Variants in PRDM15 observed in about 807,000 individuals in gnomAD.
PRDM15 encodes the protein PR domain zinc finger protein 15.
Under a neutral mutation model 128.6 loss-of-function variants are expected in PRDM15, and 64 were observed. The ratio of observed to expected loss-of-function variants is 0.50; its 90% confidence interval spans 0.41 to 0.61. The LOEUF (loss-of-function observed/expected upper bound fraction) is 0.61, where lower values mean the gene tolerates loss of function less well. Ranked by LOEUF, PRDM15 falls within the 20% of genes least tolerant of loss-of-function variation. PRDM15 has a pLI of 0.00. For synonymous variants in PRDM15, 615 were observed against 621.8 expected, an observed-to-expected ratio of 0.99 and a Z score of 0.16; for missense variants, 1,242 against 1,569.1, an observed-to-expected ratio of 0.79 and a Z score of 3.52.
chr21:41,836,185 T>C lies in PRDM15; in HGVS notation c.1206A>G (p.Glu402=). 1 of 1,613,972 alleles carries C rather than the reference T, an allele frequency of 6.2e-7. No homozygotes were observed. Among genetic ancestry groups the C allele is most frequent in the Non-Finnish European group, 8.5e-7 (1 of 1,179,960 alleles). ...TGCGGCTGAACAATTTTGCACACTC[T>C]TCGCACTTAAACAGCTTGTCACCTG... The part of the protein sequence containing the change: ...RSHGDKLFKC[E]ECAKLFSRKE... Residue 402 remains glutamate, a synonymous_variant, in exon 10 of 24, where the codon GAA becomes GAG. Coordinates refer to ENST00000398548, the MANE Select transcript of PRDM15 (RefSeq NM_001040424.3).
rs555860126 is a variant in PRDM15 at position 41,863,530 on chromosome 21, A to T, written c.-9-3158T>A. On this transcript the variant is annotated intron_variant, in intron 1 of 23. Coordinates refer to ENST00000398548, the MANE Select transcript of PRDM15 (RefSeq NM_001040424.3). ...TAAGACCACAGTAATAATATCAGGA[A>T]ACCAAACTTATCAGAAATGTCAATT... Among the ~76,000 whole-genome samples, 15 of 152,284 alleles carry T rather than the reference A, an allele frequency of 9.9e-5. No individual in the cohort carries two copies. The South Asian group carries it at 3.1e-3, about 32-fold the overall frequency.
chr21:41,819,005 G>A (rs1244385474), intron 18 of PRDM15, among the ~76,000 whole-genome samples: 1 of 152,192 alleles, frequency 6.6e-6, no homozygotes, highest in East Asian at 1.9e-4. Context: ...GTCAGACCCC[G>A]TGGTGGCTTT....
intron 17 of PRDM15, 182 bp downstream of exon 17, chr21:41,819,913 G>A (rs2062191412): frequency 7.9e-6 from 6 of 763,470 alleles, no homozygotes; most frequent in Non-Finnish European, 1.3e-5. Flanking sequence ...TGAGGGGGCT[G>A]GGGGCGCTGG....
At chr21:41,813,166 C>T (rs2061922074) in intron 19 of PRDM15, 1 of 152,186 alleles carries the variant, frequency 6.6e-6, no homozygotes. Flanking sequence ...AAAATGGGAA[C>T]AAGACAAGTA....
intron 1 of PRDM15, chr21:41,878,820 C>A: frequency 1.8e-6 from 2 of 1,114,670 alleles, no homozygotes; most frequent in Non-Finnish European, 2.2e-6. Context: ...CGCCGCCCGG[C>A]GGCGGGGGCC....
chr21:41,812,017 A>G (rs1327197559), intron 19 of PRDM15: 7 of 152,244 alleles, frequency 4.6e-5, no homozygotes, highest in Non-Finnish European at 1.5e-5. Context: ...GTCCTGGCTC[A>G]TGGATTGGCC....
intron 1 of PRDM15, among the ~76,000 whole-genome samples, chr21:41,860,636 T>G (rs969335791): frequency 5.3e-5 from 8 of 152,198 alleles, no homozygotes; most frequent in African/African-American, 1.9e-4. Context: ...TTGGCCAGGC[T>G]GGTCTCGATC....
Position 41,832,860 on chromosome 21 carries a change from T to C in PRDM15, c.1366+2577A>G, listed in dbSNP as rs2062742851. Reference sequence around the variant, plus strand: ...TCGTGACCATGGAAAGAGAACCTACTTCAGGCCACTCCCCAGCTGTCCCGG... The same window carrying C: ...TCGTGACCATGGAAAGAGAACCTACCTCAGGCCACTCCCCAGCTGTCCCGG... On this transcript the variant is annotated intron_variant, in intron 11 of 23. Coordinates refer to ENST00000398548, the MANE Select transcript of PRDM15 (RefSeq NM_001040424.3). The surrounding 1 kb of genome is among the most constrained non-coding windows in gnomAD (Gnocchi z 4.2). Among the ~76,000 whole-genome samples, 1 of 152,150 alleles carries C rather than the reference T, an allele frequency of 6.6e-6. No homozygotes were observed. Among genetic ancestry groups the C allele is most frequent in the African/African-American group, 2.4e-5 (1 of 41,420 alleles).
rs1442334328 is a variant in PRDM15, at chr21:41,820,145, C to T, written c.2090G>A (p.Arg697Gln). Residue 697 changes from arginine to glutamine, a missense_variant, in exon 17 of 24, where the codon CGG becomes CAG. This residue lies in a region of PRDM15 where 602 missense variants were observed against 788.3 expected (regional missense o/e 0.76). Coordinates refer to ENST00000398548, the MANE Select transcript of PRDM15 (RefSeq NM_001040424.3). ...KYIHPCEICGRIFNSIGNLER... is the reference protein window; with the variant it reads ...KYIHPCEICGQIFNSIGNLER... ...CAGGTTCCCGATGCTGTTGAAGATC[C>T]GCCCGCAGATCTCGCAGGGGTGGAT... 4.3e-6 allele frequency: 7 copies of T among 1,613,762 alleles called. No homozygotes were observed. The highest frequency in any genetic ancestry group is 1.1e-5 in the South Asian group (1 of 91,052).
Position 41,859,902 on chromosome 21 carries a change from C to T in PRDM15, c.38-217G>A, listed in dbSNP as rs2063757778. Reference sequence around the variant, plus strand: ...AGCACTCGTGCACACATGAGGAGTGCAAAGGCAGGACACGCCCCCAGGGAA... The same window carrying T: ...AGCACTCGTGCACACATGAGGAGTGTAAAGGCAGGACACGCCCCCAGGGAA... On this transcript the variant is annotated intron_variant, in intron 2 of 23. Coordinates refer to ENST00000398548, the MANE Select transcript of PRDM15 (RefSeq NM_001040424.3). The surrounding 1 kb of genome is among the most constrained non-coding windows in gnomAD (Gnocchi z 5.3). Among the ~76,000 whole-genome samples the T allele has an allele frequency of 6.6e-6, 1 of 152,096 alleles. No individual in the cohort carries two copies. Among genetic ancestry groups the T allele is most frequent in the African/African-American group, 2.4e-5 (1 of 41,426 alleles).
chr21:41,801,756 T>G, intron 23 of PRDM15, 34 bp from the exon 24 acceptor site: 1 of 1,588,530 alleles, frequency 6.3e-7, no homozygotes, highest in Non-Finnish European at 8.6e-7. Context: ...AATCCGTTCA[T>G]TTTTGCAAAA....
intron 6 of PRDM15, 45 bp from the exon 7 acceptor site, chr21:41,839,898 C>T: frequency 1.3e-6 from 2 of 1,511,088 alleles, no homozygotes; most frequent in South Asian, 2.3e-5. Flanking sequence ...GGAAGCCTGC[C>T]ACCGTCCACA....
intron 1 of PRDM15, among the ~76,000 whole-genome samples, chr21:41,864,718 C>T (rs975151057): frequency 1.3e-5 from 2 of 152,190 alleles, no homozygotes; most frequent in Admixed American, 6.5e-5. Context: ...CTGCCTGGGC[C>T]GCCAACCCAT....
At chr21:41,816,153 C>T (rs529178079) in intron 18 of PRDM15, among the ~76,000 whole-genome samples, 2 of 152,284 alleles carry the variant, frequency 1.3e-5, no homozygotes, top group East Asian at 1.9e-4. Flanking sequence ...CGGGAGAATT[C>T]GGTGAGAGAT....
Position 41,862,033 on chromosome 21 carries a change from T to C in PRDM15, c.-9-1661A>G, listed in dbSNP as rs750062016. The C allele has an allele frequency of 3.4e-5, 54 of 1,565,274 alleles. No homozygotes were observed. The highest frequency in any genetic ancestry group is 4.7e-5 in the Non-Finnish European group (54 of 1,139,804). ...CTGTGGATGGGCACCTCGGCGCAAA[T>C]AGGGACCAGTCTGGGATGGGGGCTC... On this transcript the variant is annotated intron_variant, in intron 1 of 23. Transcript: ENST00000398548. This position sits in a 1 kb window ranked among gnomAD's most constrained non-coding sequence, Gnocchi z 4.1.
intron 18 of PRDM15, among the ~76,000 whole-genome samples, chr21:41,818,064 C>T (rs910134411): frequency 2.0e-5 from 3 of 152,206 alleles, no homozygotes; most frequent in Admixed American, 6.5e-5. Context: ...CCTGAATAAG[C>T]CCCCACCCCT....
At chr21:41,874,523 ATAT>A (rs1383811733) in intron 1 of PRDM15, among the ~76,000 whole-genome samples, 270 of 78,738 alleles carry the variant, frequency 3.4e-3, no homozygotes, top group African/African-American at 0.011. Flanking sequence ...ATATATATAT[ATAT>A]TTTTTTTTTT....
intron 1 of PRDM15, among the ~76,000 whole-genome samples, chr21:41,868,490 A>G (rs540385322): frequency 6.6e-6 from 1 of 152,228 alleles, no homozygotes; most frequent in East Asian, 1.9e-4. Flanking sequence ...CGGCCTCACC[A>G]GCATCTGGTG....
Position 41,801,063 on chromosome 21 carries a change from A to G in PRDM15, c.*177T>C. 1 of 882,548 alleles carries G rather than the reference A, an allele frequency of 1.1e-6. No individual in the cohort carries two copies. The highest frequency in any genetic ancestry group is 1.7e-6 in the Non-Finnish European group (1 of 593,904). The allele number at this position is 882,548 out of a possible 1,614,324, so 54.7% of individuals were successfully genotyped here. On this transcript the variant is annotated 3_prime_UTR_variant, in exon 24 of 24. Transcript: ENST00000398548. ...CTGGCCTGCCAGAGGTCCCTTCTAG[A>G]GTTAAGCTGACAGACCGTAATGGTT...
Sources: gnomAD v4.1 joint callset for allele counts (sites outside exome capture counted in the v4.1 genomes callset) on GRCh38, gnomAD v4.1.1 for gene constraint, gnomAD v4.1.1 regional missense constraint, Gnocchi (gnomAD v3.1) non-coding constraint, MANE v1.5 for transcripts, NCBI Gene and HGNC (gene_info 2026-07-23, HGNC 2026-07-21) for gene names.